The following GCNT3 variants were observed in gnomAD, a reference collection of about 807,000 sequenced individuals.
GCNT3 encodes beta-1,3-galactosyl-O-glycosyl-glycoprotein beta-1,6-N-acetylglucosaminyltransferase 3.
For synonymous variants in GCNT3, 269 were observed against 195.2 expected (o/e 1.38, Z -3.15); for missense variants, 708 against 530.3 (o/e 1.34, Z -3.29).
chr15:59,615,941 TAGG>T (rs1473132654), intron 1 of GCNT3, among the ~76,000 whole-genome samples: 2 of 152,122 alleles, frequency 1.3e-5, no homozygotes, highest in African/African-American at 4.8e-5. Flanking sequence ...TGTTGCTTTT[TAGG>T]AGGAGCAGTT....
Position 59,621,257 on chromosome 15 carries a change from A to G in GCNT3, c.*1702A>G, listed in dbSNP as rs983349767. On this transcript the variant is annotated 3_prime_UTR_variant, in exon 3 of 3. Coordinates refer to ENST00000396065, the MANE Select transcript of GCNT3 (RefSeq NM_004751.3). ...CTATTAGTGATTCTGCAGATTACAC[A>G]TTTCCTTGCGGGGAGACAATAAGGT... 1 of 151,994 alleles carries G rather than the reference A, an allele frequency of 6.6e-6. No individual in the cohort carries two copies. The highest frequency in any genetic ancestry group is 1.5e-5 in the Non-Finnish European group (1 of 68,012). 9.4% of individuals were successfully genotyped at this position (151,994 alleles called of 1,614,324 possible).
chr15:59,613,787 T>A (rs2082707315), intron 1 of GCNT3, among the ~76,000 whole-genome samples: 1 of 151,748 alleles, frequency 6.6e-6, no homozygotes, highest in Admixed American at 6.6e-5. Context: ...ATCCCAGCAC[T>A]TTGGAAGCCC....
At chr15:59,615,747 G>C (rs548288161) in intron 1 of GCNT3, among the ~76,000 whole-genome samples, 1 of 151,452 alleles carries the variant, frequency 6.6e-6, no homozygotes, top group Non-Finnish European at 1.5e-5. Context: ...AATTATCTCC[G>C]CATGGTGGTG....
rs540744858 is a variant in GCNT3 at position 59,620,513 on chromosome 15, C to G, written c.*958C>G. On this transcript the variant is annotated 3_prime_UTR_variant, in exon 3 of 3. Coordinates refer to ENST00000396065, the MANE Select transcript of GCNT3 (RefSeq NM_004751.3). ...AGACAGGGGAACAGGGATGGTTCTTCCATTGTTAAAAGCCATCCTCATTTT... is the reference window on the plus strand; with the variant it reads ...AGACAGGGGAACAGGGATGGTTCTTGCATTGTTAAAAGCCATCCTCATTTT... 6.0e-6 allele frequency: 1 copy of G among 167,076 alleles called. No homozygotes were observed. The highest frequency in any genetic ancestry group is 6.5e-5 in the Admixed American group (1 of 15,284). 10.3% of individuals were successfully genotyped at this position (167,076 alleles called of 1,614,324 possible). A position where few individuals can be genotyped will look rare whatever the true frequency, so the allele number is the denominator to read the frequency against.
In GCNT3 at chr15:59,619,328, G is replaced by T; in HGVS notation, c.1090G>T (p.Val364Phe). The stretch of plus-strand genomic sequence containing the variant: ...AGACATGACTTCTATTGCCAGGCTG[G>T]TCAAGTGGCAGGGTCATGAGGGAGA... ...ISDMTSIARLVKWQGHEGDID... is the reference protein window; with the variant it reads ...ISDMTSIARLFKWQGHEGDID... Residue 364 changes from valine (V) to phenylalanine (F), a missense_variant, in exon 3 of 3, where the codon GTC (valine) becomes TTC (phenylalanine). Physicochemically the swap from Val to Phe is conservative, Grantham distance 50. Coordinates refer to ENST00000396065, the MANE Select transcript of GCNT3 (RefSeq NM_004751.3). 1 of 1,614,108 alleles carries T rather than the reference G, an allele frequency of 6.2e-7. No homozygotes were observed. The highest frequency in any genetic ancestry group is 8.5e-7 in the Non-Finnish European group (1 of 1,180,010).
intron 1 of GCNT3, among the ~76,000 whole-genome samples, chr15:59,615,782 G>C (rs2082717020): frequency 6.6e-6 from 1 of 152,068 alleles, no homozygotes; most frequent in Non-Finnish European, 1.5e-5. Context: ...CAGCTACTCA[G>C]GATGCTGGGG....
intron 1 of GCNT3, among the ~76,000 whole-genome samples, chr15:59,612,570 G>A (rs554907939): frequency 7.2e-5 from 11 of 152,142 alleles, no homozygotes; most frequent in Non-Finnish European, 1.3e-4. Flanking sequence ...CCTGTGAAAA[G>A]CATCATACCC....
At position 59,618,259 on chromosome 15, in the gene GCNT3, C is replaced by T. The variant is rs767379702; in HGVS notation, c.21C>T (p.Leu7=). Reference sequence around the variant, plus strand: ...TGACGATGGTTCAATGGAAGAGACTCTGCCAGCTGCATTACTTGTGGGCTC... The same window carrying T: ...TGACGATGGTTCAATGGAAGAGACTTTGCCAGCTGCATTACTTGTGGGCTC... The part of the protein sequence containing the change: MVQWKR[L]CQLHYLWALG... The change falls in exon 3 of 3, where the codon CTC becomes CTT. Residue 7 remains leucine (L), a synonymous_variant. Transcript: ENST00000396065. 2 of 1,581,944 alleles carry T rather than the reference C, an allele frequency of 1.3e-6. No homozygotes were observed. Among genetic ancestry groups the T allele is most frequent in the South Asian group, 2.3e-5 (2 of 86,416 alleles).
chr15:59,613,935 T>C (rs1241343427), intron 1 of GCNT3, among the ~76,000 whole-genome samples: 2 of 152,236 alleles, frequency 1.3e-5, no homozygotes, highest in African/African-American at 4.8e-5. Flanking sequence ...AAGGATGGCT[T>C]GAACCCAGGA....
chr15:59,613,642 C>G (rs1283848623), intron 1 of GCNT3, among the ~76,000 whole-genome samples: 1 of 152,148 alleles, frequency 6.6e-6, no homozygotes, highest in Admixed American at 6.5e-5. Context: ...AGGAGGATCG[C>G]TTGAGCCCAG....
chr15:59,619,759 C>G lies in GCNT3; in HGVS notation c.*204C>G, dbSNP rs1024908076. 9.4e-6 allele frequency: 5 copies of G among 531,410 alleles called. No homozygotes were observed. The highest frequency in any genetic ancestry group is 6.6e-5 in the Admixed American group (2 of 30,202). The allele number at this position is 531,410 out of a possible 1,614,324, so 32.9% of individuals were successfully genotyped here. A position where few individuals can be genotyped will look rare whatever the true frequency, so the allele number is the denominator to read the frequency against. ...GGTGAATGCTGCTTGTTCTCTCACC[C>G]CTAACCCTAGTAGTTCCTCCACTAA... On this transcript the variant is annotated 3_prime_UTR_variant, in exon 3 of 3. Transcript: ENST00000396065.
chr15:59,618,604 C>G lies in GCNT3; in HGVS notation c.366C>G (p.Phe122Leu). 6.2e-7 allele frequency: 1 copy of G among 1,613,892 alleles called. No individual in the cohort carries two copies. The highest frequency in any genetic ancestry group is 8.5e-7 in the Non-Finnish European group (1 of 1,179,834). ...HFKAERKFIQ[F>L]PLSKEEVEFP... Reference sequence around the variant, plus strand: ...AGGCTGAAAGGAAGTTCATACAGTTCCCACTGAGCAAAGAAGAGGTGGAGT... The same window carrying G: ...AGGCTGAAAGGAAGTTCATACAGTTGCCACTGAGCAAAGAAGAGGTGGAGT... Residue 122 changes from phenylalanine (F) to leucine (L), a missense_variant, in exon 3 of 3, where the codon TTC becomes TTG. Phe to Leu is a conservative substitution (Grantham distance 22). Coordinates refer to ENST00000396065, the MANE Select transcript of GCNT3 (RefSeq NM_004751.3).
chr15:59,616,641 AG>A (rs2082720908), intron 1 of GCNT3, 50 bp from the exon 2 acceptor site: 1 of 152,238 alleles, frequency 6.6e-6, no homozygotes, highest in African/African-American at 2.4e-5. Flanking sequence ...ACCTGAGAGC[AG>A]GAAGTCAAAA....
At chr15:59,616,128 G>C (rs548715277) in intron 1 of GCNT3, among the ~76,000 whole-genome samples, 1 of 152,284 alleles carries the variant, frequency 6.6e-6, no homozygotes, top group South Asian at 2.1e-4. Context: ...TAGTGAGGGA[G>C]CTCTACAAAC....
chr15:59,617,466 A>T (rs1422173254), intron 2 of GCNT3, among the ~76,000 whole-genome samples: 1 of 152,100 alleles, frequency 6.6e-6, no homozygotes, highest in Non-Finnish European at 1.5e-5. Flanking sequence ...TTGGTTGTGA[A>T]GGTTATTAAA....
chr15:59,619,156 C>T lies in GCNT3; in HGVS notation c.918C>T (p.Val306=), dbSNP rs1191508769. ...ACATTGTGGCTTCCCGAGATTTCGT[C>T]CAACATGTTTTGAAGAACCCTAAAT... ...NAYIVASRDF[V]QHVLKNPKSQ... Residue 306 remains valine (V), a synonymous_variant, in exon 3 of 3, where the codon GTC becomes GTT. Coordinates refer to ENST00000396065, the MANE Select transcript of GCNT3 (RefSeq NM_004751.3). 4.3e-6 allele frequency: 7 copies of T among 1,613,984 alleles called. No homozygotes were observed. The highest frequency in any genetic ancestry group is 2.2e-5 in the East Asian group (1 of 44,892).
At chr15:59,614,819 G>A (rs1333642663) in intron 1 of GCNT3, among the ~76,000 whole-genome samples, 1 of 152,144 alleles carries the variant, frequency 6.6e-6, no homozygotes, top group East Asian at 1.9e-4. Flanking sequence ...ATTTTACCCA[G>A]CCCTTATTCA....
intron 1 of GCNT3, among the ~76,000 whole-genome samples, chr15:59,612,631 G>A (rs1237638584): frequency 2.0e-5 from 3 of 152,166 alleles, no homozygotes; most frequent in Non-Finnish European, 4.4e-5. Context: ...GGCAGTCTGG[G>A]ACTGCGCCCT....
Position 59,611,804 on chromosome 15 carries a change from A to C in GCNT3, c.-428A>C, listed in dbSNP as rs1425415027. 1 of 152,110 alleles carries C rather than the reference A, an allele frequency of 6.6e-6. No homozygotes were observed. The highest frequency in any genetic ancestry group is 1.5e-5 in the Non-Finnish European group (1 of 68,036). 9.4% of individuals were successfully genotyped at this position (152,110 alleles called of 1,614,324 possible). A position where few individuals can be genotyped will look rare whatever the true frequency, so the allele number is the denominator to read the frequency against. ...CTCTGAGTCAGAGCCTCTTCTCTCT[A>C]AGTCACGGGAACTGCCCTTGCTACT... On this transcript the variant is annotated 5_prime_UTR_variant, in exon 1 of 3. Coordinates refer to ENST00000396065, the MANE Select transcript of GCNT3 (RefSeq NM_004751.3).
Sources: allele counts gnomAD v4.1 joint callset (sites outside exome capture counted in the v4.1 genomes callset), GRCh38; gene constraint gnomAD v4.1.1; transcripts MANE v1.5; gene names NCBI Gene and HGNC (gene_info 2026-07-23, HGNC 2026-07-21).